The following NCK1 variants were observed in gnomAD, a reference collection of about 807,000 sequenced individuals.
NCK1 encodes SH2/SH3 adapter protein NCK1.
A neutral mutation model predicts 36.6 loss-of-function variants in NCK1; 19 were observed. The observed-to-expected ratio is 0.52, with a 90% CI of 0.36 to 0.76. The LOEUF is 0.76. Ranked by LOEUF, NCK1 falls within the 30% of genes least tolerant of loss-of-function variation. The probability of loss-of-function intolerance (pLI) is 0.00; values close to 1 mark genes in which losing one functional copy is unlikely to be tolerated. For missense variants in NCK1, 358 were observed against 445.6 expected (o/e 0.80, Z 1.77); for synonymous variants, 165 against 156.0 (o/e 1.06, Z -0.43).
chr3:136,875,300 A>G (rs1938735464), intron 1 of NCK1, among the ~76,000 whole-genome samples: 1 of 152,066 alleles, frequency 6.6e-6, no homozygotes, highest in African/African-American at 2.4e-5. Flanking sequence ...GGTTTTCTAG[A>G]TATACAATCA....
intron 1 of NCK1, among the ~76,000 whole-genome samples, chr3:136,878,819 G>A (rs1224590316): frequency 6.6e-6 from 1 of 152,082 alleles, no homozygotes; most frequent in Non-Finnish European, 1.5e-5. Context: ...CTGACACTGA[G>A]GGTGGGCCCT....
intron 2 of NCK1, among the ~76,000 whole-genome samples, chr3:136,939,871 G>C (rs1940626492): frequency 8.0e-6 from 1 of 124,912 alleles, no homozygotes; most frequent in Admixed American, 8.6e-5. Flanking sequence ...TTAAAATAGA[G>C]ACAGGGTCTC....
intron 1 of NCK1, among the ~76,000 whole-genome samples, chr3:136,863,605 TG>T (rs1303299064): frequency 3.3e-5 from 5 of 152,214 alleles, no homozygotes; most frequent in African/African-American, 1.2e-4. Flanking sequence ...GAGACTTCTT[TG>T]GGAAAATTGT....
intron 2 of NCK1, among the ~76,000 whole-genome samples, chr3:136,934,371 T>C (rs905122245): frequency 2.6e-5 from 4 of 151,010 alleles, no homozygotes; most frequent in African/African-American, 7.3e-5. Context: ...CTGCAACCTC[T>C]GCCTTCCAGG....
intron 1 of NCK1, among the ~76,000 whole-genome samples, chr3:136,921,213 C>T (rs1181385190): frequency 6.6e-6 from 1 of 152,156 alleles, no homozygotes; most frequent in African/African-American, 2.4e-5. Flanking sequence ...CAGTAACTCC[C>T]CTGTATATAG....
At chr3:136,944,105 A>G (rs1409806686) in intron 2 of NCK1, among the ~76,000 whole-genome samples, 2 of 112,610 alleles carry the variant, frequency 1.8e-5, no homozygotes, top group East Asian at 4.9e-4. Flanking sequence ...GGAAAAGGAA[A>G]AACAACCTTT....
chr3:136,899,346 C>A, intron 1 of NCK1: 1 of 267,196 alleles, frequency 3.7e-6, no homozygotes, highest in South Asian at 5.0e-5. Context: ...CTACCAAAGT[C>A]ACTAAAGCAT....
At chr3:136,916,635 T>C (rs529747281) in intron 1 of NCK1, among the ~76,000 whole-genome samples, 1 of 152,292 alleles carries the variant, frequency 6.6e-6, no homozygotes, top group Non-Finnish European at 1.5e-5. Context: ...AGTTTGTGTA[T>C]GTTGTTTTGG....
chr3:136,869,716 C>A (rs182331952), intron 1 of NCK1, among the ~76,000 whole-genome samples: 110 of 152,208 alleles, frequency 7.2e-4, no homozygotes, highest in African/African-American at 2.6e-3. Context: ...TAGTTGAATG[C>A]TGTAAGACAG....
intron 1 of NCK1, among the ~76,000 whole-genome samples, chr3:136,868,142 C>T (rs1015075588): frequency 1.3e-5 from 2 of 152,006 alleles, no homozygotes; most frequent in Admixed American, 6.6e-5. Flanking sequence ...TCTCAAACTC[C>T]TGACCTCAGG....
At position 136,948,380 on chromosome 3, in the gene NCK1, A is replaced by G. The variant is rs1342717224; in HGVS notation, c.1061A>G (p.Glu354Gly). Residue 354 changes from glutamate to glycine, a missense_variant, in exon 4 of 4, where the codon GAA becomes GGA. Coordinates refer to ENST00000481752, the MANE Select transcript of NCK1 (RefSeq NM_001291999.2). The stretch of plus-strand genomic sequence containing the variant: ...TTCAGCACCATGGAAGAACTTGTAG[A>G]ACATTACAAAAAGGCACCAATTTTT... ...RKFSTMEELV[E>G]HYKKAPIFTS... The G allele has an allele frequency of 1.2e-6, 2 of 1,613,152 alleles. No individual in the cohort carries two copies. Among genetic ancestry groups the G allele is most frequent in the Middle Eastern group, 1.6e-4 (1 of 6,078 alleles).
At chr3:136,922,159 GA>G (rs1019512096) in intron 1 of NCK1, among the ~76,000 whole-genome samples, 1 of 152,198 alleles carries the variant, frequency 6.6e-6, no homozygotes, top group African/African-American at 2.4e-5. Flanking sequence ...TTATCTGGAA[GA>G]GAAACAAACT....
chr3:136,909,986 T>A (rs1939793258), intron 1 of NCK1, among the ~76,000 whole-genome samples: 1 of 152,196 alleles, frequency 6.6e-6, no homozygotes, highest in Admixed American at 6.5e-5. Context: ...GTGAGTCTCT[T>A]ACGGATAGCA....
chr3:136,888,076 C>T (rs1165260935), intron 1 of NCK1, among the ~76,000 whole-genome samples: 1 of 151,938 alleles, frequency 6.6e-6, no homozygotes, highest in African/African-American at 2.4e-5. Context: ...TCCCAAGTTG[C>T]TGGGATTACA....
chr3:136,882,994 C>T (rs1012735521), intron 1 of NCK1, among the ~76,000 whole-genome samples: 1 of 152,204 alleles, frequency 6.6e-6, no homozygotes, highest in African/African-American at 2.4e-5. Context: ...TCTCAGCTCA[C>T]TGCAACCTCC....
intron 1 of NCK1, among the ~76,000 whole-genome samples, chr3:136,910,533 A>G (rs1939806971): frequency 6.6e-6 from 1 of 152,232 alleles, no homozygotes; most frequent in African/African-American, 2.4e-5. Context: ...TAGCTTTTAT[A>G]CTTGCCCATG....
Position 136,945,953 on chromosome 3 carries a change from C to T in NCK1, c.597C>T (p.Tyr199=). Residue 199 remains tyrosine, a synonymous_variant, in exon 3 of 4, where the codon TAC becomes TAT. Transcript: ENST00000481752. ...GQVLHVVQAL[Y]PFSSSNDEEL... Reference sequence around the variant, plus strand: ...TGTTGCATGTGGTACAGGCTCTTTACCCATTCAGCTCATCTAATGATGAAG... The same window carrying T: ...TGTTGCATGTGGTACAGGCTCTTTATCCATTCAGCTCATCTAATGATGAAG... 3 of 1,613,944 alleles carry T rather than the reference C, an allele frequency of 1.9e-6. No homozygotes were observed. The highest frequency in any genetic ancestry group is 1.7e-6 in the Non-Finnish European group (2 of 1,179,976).
intron 2 of NCK1, among the ~76,000 whole-genome samples, chr3:136,934,967 T>A (rs1037040009): frequency 5.9e-5 from 9 of 152,102 alleles, no homozygotes; most frequent in Non-Finnish European, 1.3e-4. Context: ...CTCCGCATGA[T>A]CTTGGCTCAC....
chr3:136,887,284 T>C (rs1274261326), intron 1 of NCK1, among the ~76,000 whole-genome samples: 2 of 152,168 alleles, frequency 1.3e-5, no homozygotes, highest in African/African-American at 2.4e-5. Flanking sequence ...CTTCCCACCT[T>C]ATCCTCTTGA....
Sources: allele counts gnomAD v4.1 joint callset (sites outside exome capture counted in the v4.1 genomes callset), GRCh38; gene constraint gnomAD v4.1.1; transcripts MANE v1.5; gene names NCBI Gene and HGNC (gene_info 2026-07-23, HGNC 2026-07-21).